SMG1: variants seen among roughly 807,000 people sequenced by gnomAD.
SMG1 encodes the protein serine/threonine-protein kinase SMG1.
SMG1 carries 22 observed loss-of-function variants against 419.9 expected under a neutral mutation model. The ratio of observed to expected loss-of-function variants is 0.05; its 90% confidence interval spans 0.04 to 0.07. The LOEUF (loss-of-function observed/expected upper bound fraction) is 0.07. Ranked by LOEUF, SMG1 falls within the 10% of genes least tolerant of loss-of-function variation. The pLI is 1.00. For missense variants in SMG1, 3,185 were observed against 4,342.0 expected (o/e 0.73, Z 7.49); for synonymous variants, 1,538 against 1,553.5 (o/e 0.99, Z 0.23).
intron 1 of SMG1, among the ~76,000 whole-genome samples, chr16:18,900,479 T>G (rs1262528326): frequency 6.6e-6 from 1 of 152,048 alleles, no homozygotes; most frequent in Admixed American, 6.6e-5. Flanking sequence ...TTGTAAGTAT[T>G]AGAGAGAAAA....
intron 25 of SMG1, among the ~76,000 whole-genome samples, chr16:18,863,082 A>G (rs1455543338): frequency 6.6e-6 from 1 of 152,248 alleles, no homozygotes; most frequent in Non-Finnish European, 1.5e-5. Context: ...TGCCTGGGTC[A>G]TAGTACATGC....
chr16:18,883,268 G>A (rs538644541), intron 9 of SMG1, among the ~76,000 whole-genome samples: 43 of 152,356 alleles, frequency 2.8e-4, no homozygotes, highest in South Asian at 8.3e-4. Flanking sequence ...AAAGCCAAGT[G>A]CCAGTAACAG....
rs764386547 is a variant in SMG1 at position 18,828,176 on chromosome 16, G to A, written c.9604-8C>T. On this transcript the variant is annotated splice_polypyrimidine_tract_variant and splice_region_variant and intron_variant, in intron 54 of 62. Transcript: ENST00000446231. ...TAGATCTTCATGTTGCCACTGTTGAGAGAAAAAGAAATGTATTAAAATCAG... is the reference window on the plus strand; with the variant it reads ...TAGATCTTCATGTTGCCACTGTTGAAAGAAAAAGAAATGTATTAAAATCAG... 21 of 1,611,414 alleles carry A rather than the reference G, an allele frequency of 1.3e-5. No homozygotes were observed. The highest frequency in any genetic ancestry group is 1.5e-5 in the Non-Finnish European group (18 of 1,178,470).
chr16:18,829,966 C>T lies in SMG1; in HGVS notation c.9093G>A (p.Glu3031=). Residue 3031 remains glutamate, a synonymous_variant, in exon 53 of 63, where the codon GAG becomes GAA. Coordinates refer to ENST00000446231, the MANE Select transcript of SMG1 (RefSeq NM_015092.5). ...FFLKRLQTIK[E]FFRLCGTFSK... is the part of the protein sequence containing the mutation. ...AAAAGGTACCACAGAGCCTGAAGAA[C>T]TCCTTAATAGTCTGTAGTCTTTTTA... 2 of 1,575,958 alleles carry T rather than the reference C, an allele frequency of 1.3e-6. No individual in the cohort carries two copies. Among genetic ancestry groups the T allele is most frequent in the Non-Finnish European group, 8.6e-7 (1 of 1,164,056 alleles).
At chr16:18,870,915 T>A (rs113895347) in intron 16 of SMG1, 27 bp from the exon 17 acceptor site, 33 of 1,098,592 alleles carry the variant, frequency 3.0e-5, no homozygotes, top group Non-Finnish European at 4.2e-5. Context: ...GACAGTTACT[T>A]TCAGCTGGCC....
intron 1 of SMG1, among the ~76,000 whole-genome samples, chr16:18,907,845 C>CAAAAAAAAAAAAAAAAAA (rs71141092): frequency 1.8e-5 from 1 of 54,972 alleles, no homozygotes; most frequent in Non-Finnish European, 3.3e-5. Flanking sequence ...GAACGAGACT[C>CAAAAAAAAAAAAAAAAAA]AAAAAAAAAA....
Position 18,817,342 on chromosome 16 carries a change from T to C in SMG1, c.10023A>G (p.Ser3341=). Residue 3341 remains serine (S), a synonymous_variant, in exon 57 of 63, where the codon TCA becomes TCG. Transcript: ENST00000446231. ...KRCQQMCSFA[S]QFNSSVSELE... ...ACTCAGACACTGAACTGTTAAACTG[T>C]GATGCAAACGAACACATCTGCTGAC... 1 of 1,612,746 alleles carries C rather than the reference T, an allele frequency of 6.2e-7. No individual in the cohort carries two copies. Among genetic ancestry groups the C allele is most frequent in the Non-Finnish European group, 8.5e-7 (1 of 1,179,342 alleles).
At chr16:18,905,759 C>G in intron 1 of SMG1, among the ~76,000 whole-genome samples, 1 of 151,940 alleles carries the variant, frequency 6.6e-6, no homozygotes, top group Non-Finnish European at 1.5e-5. Flanking sequence ...TTACAGGCCC[C>G]TGCTACCACA....
chr16:18,835,228 T>C, intron 48 of SMG1, 64 bp from the exon 49 acceptor site: 1 of 1,478,160 alleles, frequency 6.8e-7, no homozygotes, highest in Non-Finnish European at 9.1e-7. Flanking sequence ...AAAAGAATAT[T>C]GCATTTAATC....
At chr16:18,820,090 C>T (rs1480157664) in intron 55 of SMG1, among the ~76,000 whole-genome samples, 2 of 152,094 alleles carry the variant, frequency 1.3e-5, no homozygotes, top group African/African-American at 2.4e-5. Context: ...CTCAGCCTCC[C>T]GAGTAGCTGG....
At chr16:18,814,046 ATT>A (rs2031739084) in intron 60 of SMG1, among the ~76,000 whole-genome samples, 17 of 138,180 alleles carry the variant, frequency 1.2e-4, no homozygotes, top group South Asian at 9.1e-4. Context: ...AAAAAAAAAA[ATT>A]AAATTAAATT....
chr16:18,841,093 T>C (rs114120047), intron 41 of SMG1, among the ~76,000 whole-genome samples: 1,735 of 152,014 alleles, frequency 0.011, 35 homozygotes, highest in African/African-American at 0.04. Flanking sequence ...AGCAAACAAC[T>C]TTATTTTTAT....
In SMG1 at chr16:18,862,551, G is replaced by T. The variant is rs142284351; in HGVS notation, c.3695+1099C>A. ...CATTTCATTACAAATCTTAAAACAT[G>T]GCTTGTTCTCTGTGTGCTCCTACTC... On this transcript the variant is annotated intron_variant, in intron 25 of 62. Transcript: ENST00000446231. 3.0e-3 allele frequency among the ~76,000 whole-genome samples: 462 copies of T among 152,110 alleles called. 2 individuals are homozygous for T. The highest frequency in any genetic ancestry group is 0.01 in the African/African-American group (433 of 41,462).
intron 6 of SMG1, among the ~76,000 whole-genome samples, chr16:18,888,555 C>T (rs941277427): frequency 1.3e-4 from 20 of 151,030 alleles, no homozygotes; most frequent in South Asian, 2.1e-4. Context: ...GCAACCTCGG[C>T]CTCCCAGGTT....
At chr16:18,891,924 A>G (rs2036898976) in intron 4 of SMG1, among the ~76,000 whole-genome samples, 1 of 152,188 alleles carries the variant, frequency 6.6e-6, no homozygotes, top group South Asian at 2.1e-4. Context: ...CACCTCAGCC[A>G]GGTGTAGTGG....
chr16:18,850,458 T>C lies in SMG1; in HGVS notation c.5062A>G (p.Ile1688Val), dbSNP rs1319961287. 1 of 1,609,174 alleles carries C rather than the reference T, an allele frequency of 6.2e-7. No homozygotes were observed. The highest frequency in any genetic ancestry group is 8.5e-7 in the Non-Finnish European group (1 of 1,176,618). The change falls in exon 34 of 63, where the codon ATA becomes GTA. Residue 1688 changes from isoleucine (I) to valine (V), a missense_variant. Around this residue, in one of 27 missense-constraint regions of SMG1, gnomAD observed 493 missense variants for 552.9 expected, o/e 0.89. Transcript: ENST00000446231. ...TCACTCTCAGTTATCTGAAGTGTTA[T>C]ATCTTCATCCTGAAGAAAAATTGTG... ...CRPAGIQDED[I>V]TLQITESEDN... is the part of the protein sequence containing the mutation.
At chr16:18,878,664 T>C in intron 11 of SMG1, 1 of 149,930 alleles carries the variant, frequency 6.7e-6, no homozygotes, top group Non-Finnish European at 1.5e-5. Flanking sequence ...CATAGAGCAA[T>C]GTTTCCTCAA....
chr16:18,846,440 C>G (rs1186983071), intron 38 of SMG1, among the ~76,000 whole-genome samples: 1 of 151,970 alleles, frequency 6.6e-6, no homozygotes, highest in African/African-American at 2.4e-5. Flanking sequence ...AAAAGACAAC[C>G]CACAGAATGG....
At chr16:18,832,150 G>C (rs1275974812) in intron 51 of SMG1, among the ~76,000 whole-genome samples, 1 of 152,106 alleles carries the variant, frequency 6.6e-6, no homozygotes, top group Admixed American at 6.6e-5. Flanking sequence ...TCCCATGGGA[G>C]GAAACGGTGC....
Sources: allele counts gnomAD v4.1 joint callset (sites outside exome capture counted in the v4.1 genomes callset), GRCh38; gene constraint gnomAD v4.1.1; regional missense constraint gnomAD v4.1.1; transcripts MANE v1.5; gene names NCBI Gene and HGNC (gene_info 2026-07-23, HGNC 2026-07-21).